Variants in DNM3 observed in about 807,000 individuals in gnomAD.
DNM3 encodes dynamin 3.
A neutral mutation model predicts 101.6 loss-of-function variants in DNM3; 47 were observed. The observed-to-expected ratio is 0.46, with a 90% CI of 0.37 to 0.59. The LOEUF (loss-of-function observed/expected upper bound fraction) is 0.59, where lower values mean the gene tolerates loss of function less well. Ranked by LOEUF, DNM3 falls within the 20% of genes least tolerant of loss-of-function variation. The pLI, the probability that DNM3 is intolerant of heterozygous loss-of-function variation, is 0.00. For synonymous variants in DNM3, 385 were observed against 387.9 expected (o/e 0.99, Z 0.09); for missense variants, 849 against 1,085.7 (o/e 0.78, Z 3.06).
At chr1:172,028,670 T>A (rs2048382226) in intron 4 of DNM3, among the ~76,000 whole-genome samples, 1 of 151,942 alleles carries the variant, frequency 6.6e-6, no homozygotes, top group South Asian at 2.1e-4. Flanking sequence ...CTAGCCAGAT[T>A]AATAAAGAAG....
intron 14 of DNM3, among the ~76,000 whole-genome samples, chr1:172,206,248 T>C (rs1239780309): frequency 6.6e-6 from 1 of 152,134 alleles, no homozygotes; most frequent in Non-Finnish European, 1.5e-5. Flanking sequence ...TAAGGTTTCA[T>C]GGGACAGTAA....
intron 1 of DNM3, among the ~76,000 whole-genome samples, chr1:171,894,474 G>A (rs7518673): frequency 1.3e-5 from 2 of 151,010 alleles, no homozygotes; most frequent in Non-Finnish European, 3.0e-5. Context: ...GCATGATCTC[G>A]GCTCACTGCA....
intron 14 of DNM3, among the ~76,000 whole-genome samples, chr1:172,152,312 A>G (rs554112247): frequency 8.1e-5 from 12 of 148,702 alleles, no homozygotes; most frequent in Admixed American, 4.7e-4. Flanking sequence ...TTTTAGTACT[A>G]CAATTCAATT....
intron 17 of DNM3, among the ~76,000 whole-genome samples, chr1:172,327,555 A>G (rs1020683876): frequency 6.6e-6 from 1 of 152,200 alleles, no homozygotes; most frequent in Non-Finnish European, 1.5e-5. Context: ...CAGAGAGTAC[A>G]GTGTCATAAT....
At chr1:172,240,434 G>C (rs1266768204) in intron 14 of DNM3, among the ~76,000 whole-genome samples, 1 of 152,148 alleles carries the variant, frequency 6.6e-6, no homozygotes, top group Non-Finnish European at 1.5e-5. Context: ...TCTGGGAATT[G>C]TCAGAGGATT....
chr1:172,069,772 T>C (rs1045196447), intron 11 of DNM3, among the ~76,000 whole-genome samples: 2 of 152,238 alleles, frequency 1.3e-5, no homozygotes, highest in African/African-American at 4.8e-5. Context: ...TTTGGACTGT[T>C]GTTTTCTCAT....
At chr1:172,138,175 T>C in intron 14 of DNM3, 1 of 152,120 alleles carries the variant, frequency 6.6e-6, no homozygotes, top group East Asian at 1.9e-4. Flanking sequence ...GAGGAGAAAC[T>C]ATTATTTTAA....
At chr1:172,026,413 C>G (rs1331059462) in intron 4 of DNM3, among the ~76,000 whole-genome samples, 1 of 152,098 alleles carries the variant, frequency 6.6e-6, no homozygotes, top group Non-Finnish European at 1.5e-5. Flanking sequence ...ACTTCCCCAA[C>G]CTAGCAAGAC....
intron 17 of DNM3, among the ~76,000 whole-genome samples, chr1:172,367,238 A>G (rs2068068788): frequency 6.6e-6 from 1 of 151,888 alleles, no homozygotes; most frequent in Non-Finnish European, 1.5e-5. Context: ...GTTAGCCAAG[A>G]ATACTATACC....
Position 172,229,977 on chromosome 1 carries a change from G to C in DNM3, c.1660-23596G>C, listed in dbSNP as rs554492450. On this transcript the variant is annotated intron_variant, in intron 14 of 20. Transcript: ENST00000627582. ...TCTGCACAGACAACTCTTATCCTTT[G>C]CTCTTGCTTTTATTCAAAGCTCCCT... 7.9e-5 allele frequency among the ~76,000 whole-genome samples: 12 copies of C among 152,178 alleles called. No homozygotes were observed. In the South Asian group the frequency reaches 2.3e-3, roughly 29 times the overall value.
chr1:171,921,761 C>A lies in DNM3; in HGVS notation c.175C>A (p.Arg59=). ...ENFVGRDFLP[R]GSGIVTRRPL... is the part of the protein sequence containing the mutation. ...TACTTTTTTTAGGGACTTTCTCCCT[C>A]GAGGGTCGGGCATTGTAACAAGACG... The change falls in exon 2 of 21, where the codon CGA becomes AGA. Residue 59 remains arginine, a synonymous_variant. Transcript: ENST00000627582. The A allele has an allele frequency of 1.3e-6, 2 of 1,594,040 alleles. No individual in the cohort carries two copies. The highest frequency in any genetic ancestry group is 1.7e-5 in the Admixed American group (1 of 57,202).
intron 12 of DNM3, among the ~76,000 whole-genome samples, chr1:172,086,975 C>A (rs2053574966): frequency 6.6e-6 from 1 of 152,162 alleles, no homozygotes; most frequent in Non-Finnish European, 1.5e-5. Flanking sequence ...TTCCTTAATG[C>A]ATCTGAGCCC....
intron 17 of DNM3, among the ~76,000 whole-genome samples, chr1:172,361,820 A>C (rs962592306): frequency 2.0e-5 from 3 of 152,010 alleles, no homozygotes; most frequent in African/African-American, 7.2e-5. Flanking sequence ...ACAAGTCATC[A>C]GTGCTAGGTC....
intron 12 of DNM3, among the ~76,000 whole-genome samples, chr1:172,087,984 C>T (rs1177698771): frequency 3.9e-5 from 6 of 152,188 alleles, no homozygotes; most frequent in Admixed American, 3.9e-4. Flanking sequence ...TTAACACATG[C>T]CTATGATATG....
At position 172,170,096 on chromosome 1, in the gene DNM3, A is replaced by G. The variant is rs373118786; in HGVS notation, c.1659+38808A>G. ...TAGCTTCTAGATCAATGTTTTCAGC[A>G]GGGAAGGATTAGGCAGTAGAAGAAT... On this transcript the variant is annotated intron_variant, in intron 14 of 20. Transcript: ENST00000627582. Among the ~76,000 whole-genome samples the G allele has an allele frequency of 1.7e-3, 258 of 152,060 alleles. 3 individuals carry two copies. The highest frequency in any genetic ancestry group is 5.8e-3 in the African/African-American group (243 of 41,542).
chr1:172,062,301 C>T (rs1218253662), intron 10 of DNM3, among the ~76,000 whole-genome samples: 1 of 152,076 alleles, frequency 6.6e-6, no homozygotes, highest in African/African-American at 2.4e-5. Flanking sequence ...ACCCTGGATT[C>T]CTTTTTGGAT....
intron 1 of DNM3, among the ~76,000 whole-genome samples, chr1:171,868,782 A>G (rs1231160022): frequency 6.6e-6 from 1 of 152,020 alleles, no homozygotes; most frequent in East Asian, 1.9e-4. Flanking sequence ...TGTCCTTTGT[A>G]CAATTTCTTT....
chr1:171,982,465 G>C (rs192020324), intron 2 of DNM3, among the ~76,000 whole-genome samples: 63 of 152,236 alleles, frequency 4.1e-4, no homozygotes, highest in African/African-American at 1.3e-3. Context: ...CCATCCTGTA[G>C]GTTGAATTCT....
chr1:172,281,692 G>A (rs1297764956), intron 15 of DNM3, among the ~76,000 whole-genome samples: 3 of 151,802 alleles, frequency 2.0e-5, no homozygotes, highest in Admixed American at 1.3e-4. Flanking sequence ...ACTCGAGCTG[G>A]TTTGCAGACC....
Sources: gnomAD v4.1 joint callset for allele counts (sites outside exome capture counted in the v4.1 genomes callset) on GRCh38, gnomAD v4.1.1 for gene constraint, MANE v1.5 for transcripts, NCBI Gene and HGNC (gene_info 2026-07-23, HGNC 2026-07-21) for gene names.